Variants in LGSN observed in about 807,000 individuals in gnomAD.
The protein encoded by LGSN is lengsin, lens protein with glutamine synthetase domain, also known as lengsin.
Under a neutral mutation model 19.5 loss-of-function variants are expected in LGSN, and 21 were observed. That is an observed-to-expected ratio of 1.07 (90% confidence interval 0.76 to 1.55). The LOEUF (loss-of-function observed/expected upper bound fraction) is 1.55, where lower values mean the gene tolerates loss of function less well. Ranked by LOEUF, LGSN falls within the 40% of genes most tolerant of loss-of-function variation. The pLI, the probability that LGSN is intolerant of heterozygous loss-of-function variation, is 0.00. For missense variants in LGSN, 673 were observed against 608.5 expected (o/e 1.11, Z -1.12); for synonymous variants, 257 against 215.6 (o/e 1.19, Z -1.68).
chr6:63,482,724 A>G, the LGSN span, among the ~76,000 whole-genome samples: 3 of 152,112 alleles, frequency 2.0e-5, no homozygotes, highest in African/African-American at 7.2e-5. Context: ...TTTTGGAGAC[A>G]GGATCTCACT....
chr6:63,379,550 C>A, the LGSN span, among the ~76,000 whole-genome samples: 1 of 152,122 alleles, frequency 6.6e-6, no homozygotes, highest in Admixed American at 6.5e-5. Flanking sequence ...ATTGCCTTTT[C>A]AATTTTTCTC....
chr6:63,517,138 T>C, the LGSN span, among the ~76,000 whole-genome samples: 6 of 152,196 alleles, frequency 3.9e-5, no homozygotes, highest in African/African-American at 7.2e-5. Flanking sequence ...ATCATGCTTA[T>C]TATTACTATT....
chr6:63,562,663 C>G, the LGSN span, among the ~76,000 whole-genome samples: 1 of 152,162 alleles, frequency 6.6e-6, no homozygotes, highest in African/African-American at 2.4e-5. Flanking sequence ...TGGAAAACAA[C>G]AAGAGCACAA....
the LGSN span, among the ~76,000 whole-genome samples, chr6:63,530,988 T>C: frequency 1.3e-5 from 2 of 152,318 alleles, no homozygotes; most frequent in Admixed American, 6.5e-5. Context: ...TAACCTAGCT[T>C]TATAATTTCA....
the LGSN span, among the ~76,000 whole-genome samples, chr6:63,401,350 T>A: frequency 2.7e-5 from 4 of 149,890 alleles, no homozygotes; most frequent in African/African-American, 9.9e-5. Flanking sequence ...CAGTAAGCCA[T>A]GAGCATGCCA....
chr6:63,327,953 C>T, the LGSN span, among the ~76,000 whole-genome samples: 1 of 152,234 alleles, frequency 6.6e-6, no homozygotes, highest in Non-Finnish European at 1.5e-5. Context: ...AACTCCATAA[C>T]TTCCCTGTGG....
At chr6:63,449,731 T>G in the LGSN span, among the ~76,000 whole-genome samples, 2 of 152,092 alleles carry the variant, frequency 1.3e-5, no homozygotes, top group Admixed American at 6.6e-5. Context: ...AGAAAAGATT[T>G]TTCAGTCGTA....
the LGSN span, among the ~76,000 whole-genome samples, chr6:63,389,998 C>G: frequency 7.3e-5 from 11 of 151,518 alleles, no homozygotes; most frequent in African/African-American, 2.4e-4. Flanking sequence ...GAAAACACAC[C>G]TTTTGTGAAT....
upstream of LGSN, among the ~76,000 whole-genome samples, chr6:63,323,334 A>T (rs1456122797): frequency 6.6e-6 from 1 of 152,138 alleles, no homozygotes; most frequent in Non-Finnish European, 1.5e-5. Context: ...CTTTTAGTGT[A>T]GCCATCACCG....
chr6:63,532,554 A>G, the LGSN span, among the ~76,000 whole-genome samples: 1 of 152,132 alleles, frequency 6.6e-6, no homozygotes, highest in Non-Finnish European at 1.5e-5. Flanking sequence ...AGGTAAATAA[A>G]TGCCATTAAA....
At chr6:63,309,300 C>T (rs192642901) in intron 1 of LGSN, among the ~76,000 whole-genome samples, 46 of 152,078 alleles carry the variant, frequency 3.0e-4, no homozygotes, top group African/African-American at 1.1e-3. Context: ...GGTGTGGTAG[C>T]GGGTGCCTGT....
chr6:63,378,146 A>G, the LGSN span, among the ~76,000 whole-genome samples: 2 of 152,146 alleles, frequency 1.3e-5, no homozygotes, highest in African/African-American at 4.8e-5. Context: ...AGGAACTGAA[A>G]GAATTTCAGT....
chr6:63,535,815 T>C, the LGSN span, among the ~76,000 whole-genome samples: 2 of 152,160 alleles, frequency 1.3e-5, no homozygotes, highest in African/African-American at 2.4e-5. Context: ...CGATGGCTCA[T>C]GTTAAGTCCA....
At chr6:63,356,043 C>CTA in the LGSN span, among the ~76,000 whole-genome samples, 18,718 of 151,790 alleles carry the variant, frequency 0.12, 2,492 homozygotes, top group African/African-American at 0.33. Context: ...CTACGCACAT[C>CTA]TATATATATA....
the LGSN span, among the ~76,000 whole-genome samples, chr6:63,532,422 A>G: frequency 5.3e-5 from 8 of 152,156 alleles, no homozygotes; most frequent in Non-Finnish European, 1.0e-4. Flanking sequence ...CAGCCACAGG[A>G]CCTGCTCATG....
At chr6:63,307,726 C>G (rs557117257) in intron 1 of LGSN, among the ~76,000 whole-genome samples, 2 of 152,286 alleles carry the variant, frequency 1.3e-5, no homozygotes, top group South Asian at 4.1e-4. Flanking sequence ...TGCCTGGGCA[C>G]TATGCATTAC....
rs1389013336 is a variant in LGSN at position 63,280,129 on chromosome 6, C to T, written c.1422G>A (p.Gln474=). Residue 474 remains glutamine (Q), a synonymous_variant, in exon 4 of 4, where the codon CAG becomes CAA. Transcript: ENST00000370657. ...ATCGAATAAAGGTTTCTCCTAGAGC[C>T]TGTCTCAGGCATTGATCTTCTTCCA... is the stretch of plus-strand genomic sequence containing the variant. ...VALEEDQCLR[Q]ALGETFIRYF... 1 of 1,614,214 alleles carries T rather than the reference C, an allele frequency of 6.2e-7. No homozygotes were observed. The highest frequency in any genetic ancestry group is 1.7e-5 in the Admixed American group (1 of 60,034).
the LGSN span, among the ~76,000 whole-genome samples, chr6:63,526,803 GTA>G: frequency 0.17 from 17,598 of 101,176 alleles, 1,366 homozygotes; most frequent in Admixed American, 0.27. Context: ...TCTCAAAAAT[GTA>G]TATATATATA....
the LGSN span, among the ~76,000 whole-genome samples, chr6:63,447,340 C>G: frequency 1.3e-5 from 2 of 152,240 alleles, no homozygotes; most frequent in South Asian, 4.1e-4. Flanking sequence ...GTCACAGCTG[C>G]ATGTTTAGGT....
Sources: gnomAD v4.1 joint callset for allele counts (sites outside exome capture counted in the v4.1 genomes callset) on GRCh38, gnomAD v4.1.1 for gene constraint, MANE v1.5 for transcripts, NCBI Gene and HGNC (gene_info 2026-07-23, HGNC 2026-07-21) for gene names.